The following FRMD4B variants were observed in gnomAD, a reference collection of about 807,000 sequenced individuals.
The protein encoded by FRMD4B is FERM domain-containing protein 4B.
In FRMD4B, 74 loss-of-function variants were observed where a neutral mutation model predicts 141.5. The observed-to-expected ratio is 0.52, with a 90% CI of 0.43 to 0.63. FRMD4B has a LOEUF of 0.63. Ranked by LOEUF, FRMD4B falls within the 30% of genes least tolerant of loss-of-function variation. The pLI, the probability that FRMD4B is intolerant of heterozygous loss-of-function variation, is 0.00. For missense variants in FRMD4B, 1,366 were observed against 1,253.4 expected, an observed-to-expected ratio of 1.09 and a Z score of -1.36; for synonymous variants, 506 against 467.9, an observed-to-expected ratio of 1.08 and a Z score of -1.05.
intron 1 of FRMD4B, among the ~76,000 whole-genome samples, chr3:69,496,119 T>C (rs988249630): frequency 6.6e-6 from 1 of 152,224 alleles, no homozygotes; most frequent in African/African-American, 2.4e-5. Context: ...CCATTATTTG[T>C]AATGAAGACA....
chr3:69,176,232 T>C (rs2069688735), intron 22 of FRMD4B, among the ~76,000 whole-genome samples: 1 of 152,188 alleles, frequency 6.6e-6, no homozygotes, highest in South Asian at 2.1e-4. Context: ...GCAAACTTTT[T>C]CTTAAAGGCC....
chr3:69,437,743 C>T (rs1367760971), intron 1 of FRMD4B, among the ~76,000 whole-genome samples: 1 of 127,224 alleles, frequency 7.9e-6, no homozygotes, highest in Non-Finnish European at 1.5e-5. Context: ...ATATACAATA[C>T]TATATAAAGT....
intron 1 of FRMD4B, among the ~76,000 whole-genome samples, chr3:69,377,623 C>A (rs1490725608): frequency 6.6e-6 from 1 of 152,184 alleles, no homozygotes; most frequent in African/African-American, 2.4e-5. Context: ...CCTCCAAGGT[C>A]ATCCCATCCC....
At chr3:69,290,850 T>C (rs1014046023) in intron 4 of FRMD4B, among the ~76,000 whole-genome samples, 3 of 152,202 alleles carry the variant, frequency 2.0e-5, no homozygotes, top group South Asian at 2.1e-4. Flanking sequence ...TTTGACTCTG[T>C]GGACAGTGCT....
At chr3:69,496,905 T>TTA (rs1553647843) in intron 1 of FRMD4B, among the ~76,000 whole-genome samples, 1 of 151,684 alleles carries the variant, frequency 6.6e-6, no homozygotes, top group African/African-American at 2.4e-5. Context: ...TAGTTTTTTT[T>TTA]TTATTATTAT....
At chr3:69,481,908 G>A (rs1433425369) in intron 1 of FRMD4B, among the ~76,000 whole-genome samples, 2 of 152,276 alleles carry the variant, frequency 1.3e-5, no homozygotes, top group East Asian at 3.9e-4. Flanking sequence ...GTTTAACAGA[G>A]CCATTCTCAA....
intron 7 of FRMD4B, among the ~76,000 whole-genome samples, chr3:69,227,232 G>T (rs1432757085): frequency 6.6e-6 from 1 of 152,158 alleles, no homozygotes; most frequent in Admixed American, 6.6e-5. Flanking sequence ...TCATGAGCCA[G>T]TATCTGAGAT....
intron 4 of FRMD4B, among the ~76,000 whole-genome samples, chr3:69,297,240 G>T (rs537561946): frequency 2.6e-5 from 4 of 152,292 alleles, no homozygotes; most frequent in East Asian, 1.9e-4. Flanking sequence ...GGCCAGGAGC[G>T]ATGAGAAGGC....
chr3:69,503,029 G>C (rs918865213), intron 1 of FRMD4B, among the ~76,000 whole-genome samples: 11 of 152,160 alleles, frequency 7.2e-5, no homozygotes, highest in African/African-American at 2.4e-4. Flanking sequence ...AAAAAGTCAG[G>C]AAACAACAGA....
chr3:69,395,555 T>C (rs1287865913), intron 2 of FRMD4B, among the ~76,000 whole-genome samples: 2 of 152,222 alleles, frequency 1.3e-5, no homozygotes, highest in African/African-American at 4.8e-5. Flanking sequence ...TTTGGTAGTA[T>C]TGTTGCTAGG....
chr3:69,494,182 G>T (rs1169629787), intron 1 of FRMD4B, among the ~76,000 whole-genome samples: 2 of 152,162 alleles, frequency 1.3e-5, no homozygotes, highest in Non-Finnish European at 2.9e-5. Context: ...ACCCAACCAT[G>T]ATAGTATTTC....
chr3:69,413,860 C>T (rs1047200073), intron 2 of FRMD4B, among the ~76,000 whole-genome samples: 2 of 152,066 alleles, frequency 1.3e-5, no homozygotes, highest in Admixed American at 6.6e-5. Flanking sequence ...ACGGCTCCTA[C>T]GTGTTTCTCA....
intron 5 of FRMD4B, among the ~76,000 whole-genome samples, chr3:69,263,612 A>G (rs1476899628): frequency 1.3e-5 from 2 of 151,518 alleles, no homozygotes; most frequent in African/African-American, 2.4e-5. Flanking sequence ...GGATCTTGCT[A>G]TGTTGCCCAG....
chr3:69,231,288 T>A (rs80277625), intron 7 of FRMD4B, among the ~76,000 whole-genome samples: 2,986 of 152,216 alleles, frequency 0.02, 106 homozygotes, highest in African/African-American at 0.069. Context: ...TATTGCTGCA[T>A]CCTTTTTTTC....
chr3:69,427,643 G>GTTTTTGTTTTTTTTT (rs1705105994), intron 2 of FRMD4B, among the ~76,000 whole-genome samples: 1 of 36,238 alleles, frequency 2.8e-5, no homozygotes, highest in African/African-American at 1.1e-4. Flanking sequence ...CTAGGTAAAT[G>GTTTTTGTTTTTTTTT]TTTTTTTTTT....
chr3:69,356,079 C>G (rs1350476863), intron 1 of FRMD4B, among the ~76,000 whole-genome samples: 1 of 152,098 alleles, frequency 6.6e-6, no homozygotes, highest in East Asian at 1.9e-4. Flanking sequence ...TTTGGGGACA[C>G]CATCCAAATA....
rs555149195 is a variant in FRMD4B, at chr3:69,373,703, T to TA, written c.162+12124dup. Among the ~76,000 whole-genome samples the TA allele has an allele frequency of 2.6e-5, 4 of 152,148 alleles. No homozygotes were observed. In the South Asian group the frequency reaches 8.3e-4, roughly 32 times the overall value. On this transcript the variant is annotated intron_variant, in intron 1 of 22. Transcript: ENST00000398540. ...GCCTGGGCAACAACAAGATCCCATC[T>TA]AAAAAATAAAAAAATACAAAAAATT...
Position 69,385,905 on chromosome 3 carries a change from G to T in FRMD4B, c.85C>A (p.Arg29=). The T allele has an allele frequency of 6.2e-7, 1 of 1,603,964 alleles. No homozygotes were observed. ...CGCAGCCTCTCCGTGTACCATCTCCGCAGCGTGGACACGGTCAAGTTCCAT... is the reference window on the plus strand; with the variant it reads ...CGCAGCCTCTCCGTGTACCATCTCCTCAGCGTGGACACGGTCAAGTTCCAT... ...FVWNLTVSTL[R]RWYTERLRAC... The change falls in exon 1 of 23, where the codon CGG becomes AGG. Residue 29 remains arginine, a synonymous_variant. Coordinates refer to ENST00000398540, the MANE Select transcript of FRMD4B (RefSeq NM_015123.3).
At chr3:69,295,506 G>A (rs1254423205) in intron 4 of FRMD4B, among the ~76,000 whole-genome samples, 1 of 152,128 alleles carries the variant, frequency 6.6e-6, no homozygotes, top group Non-Finnish European at 1.5e-5. Context: ...ATTTTTTGTA[G>A]AGACAGAGTT....
Sources: gnomAD v4.1 joint callset for allele counts (sites outside exome capture counted in the v4.1 genomes callset) on GRCh38, gnomAD v4.1.1 for gene constraint, MANE v1.5 for transcripts, NCBI Gene and HGNC (gene_info 2026-07-23, HGNC 2026-07-21) for gene names.